The following ZNF584 variants were observed in gnomAD, a reference collection of about 807,000 sequenced individuals.
ZNF584 encodes zinc finger protein 584.
Under a neutral mutation model 14.7 loss-of-function variants are expected in ZNF584, and 12 were observed. The observed-to-expected ratio is 0.82, with a 90% CI of 0.52 to 1.32. The LOEUF (loss-of-function observed/expected upper bound fraction) is 1.32, where lower values mean the gene tolerates loss of function less well. Ranked by LOEUF, ZNF584 falls within the 40% of genes most tolerant of loss-of-function variation. ZNF584 has a pLI of 0.00. For synonymous variants in ZNF584, 204 were observed against 190.9 expected (o/e 1.07, Z -0.57); for missense variants, 478 against 518.8 (o/e 0.92, Z 0.76).
At chr19:58,414,075 C>T (rs942045269) in intron 2 of ZNF584, among the ~76,000 whole-genome samples, 1 of 152,040 alleles carries the variant, frequency 6.6e-6, no homozygotes, top group Non-Finnish European at 1.5e-5. Flanking sequence ...CCTGCCTCGG[C>T]CTCCCAAAGT....
rs1273023612 is a variant in ZNF584 at position 58,411,737 on chromosome 19, G to A, written c.169+1646G>A. On this transcript the variant is annotated intron_variant, in intron 2 of 3. Transcript: ENST00000306910. ...CGGCTCACTGCAACCTCCACCTCCC[G>A]GGTTCAAGTGATTTTCCTGCCTCAG... 5.3e-5 allele frequency among the ~76,000 whole-genome samples: 8 copies of A among 150,820 alleles called. No homozygotes were observed. In the East Asian group the frequency reaches 1.6e-3, roughly 30 times the overall value.
rs1172641025 is a variant in ZNF584 at position 58,410,750 on chromosome 19, T to C, written c.169+659T>C. ...ATGTATATATATATATGTGTGTATA[T>C]ATATATATATATGTATATATATATA... On this transcript the variant is annotated intron_variant, in intron 2 of 3. Coordinates refer to ENST00000306910, the MANE Select transcript of ZNF584 (RefSeq NM_173548.3). 6.5e-5 allele frequency among the ~76,000 whole-genome samples: 3 copies of C among 46,026 alleles called. 1 individual carries two copies. The highest frequency in any genetic ancestry group is 1.1e-4 in the Non-Finnish European group (3 of 27,404). The allele number at this position is 46,026 out of a possible 152,430, so 30.2% of individuals were successfully genotyped here. A position where few individuals can be genotyped will look rare whatever the true frequency, so the allele number is the denominator to read the frequency against.
intron 1 of ZNF584, among the ~76,000 whole-genome samples, chr19:58,403,643 C>T (rs868451876): frequency 2.0e-5 from 3 of 152,042 alleles, no homozygotes; most frequent in Non-Finnish European, 4.4e-5. Context: ...ATATAATGTA[C>T]ATTAATAATA....
chr19:58,412,199 CTTTTTTTTTT>C (rs35188048), intron 2 of ZNF584, among the ~76,000 whole-genome samples: 2,026 of 83,964 alleles, frequency 0.024, 117 homozygotes, highest in African/African-American at 0.11. Context: ...CCAGGGTGGT[CTTTTTTTTTT>C]TTTTTTTTTT....
upstream of ZNF584, chr19:58,405,205 G>C: frequency 6.7e-6 from 1 of 149,154 alleles, no homozygotes. Flanking sequence ...CGGGTCGGCT[G>C]GCCGCGCGGG....
intron 2 of ZNF584, among the ~76,000 whole-genome samples, chr19:58,413,318 G>C (rs558866908): frequency 8.8e-4 from 133 of 151,326 alleles, no homozygotes; most frequent in Non-Finnish European, 4.9e-4. Flanking sequence ...TTTTTTGTTT[G>C]TTGTGGTATT....
At chr19:58,402,535 A>G (rs964385672) in intron 1 of ZNF584, among the ~76,000 whole-genome samples, 1 of 152,198 alleles carries the variant, frequency 6.6e-6, no homozygotes, top group Non-Finnish European at 1.5e-5. Flanking sequence ...TGAGTGTACA[A>G]TTCAAGGCTG....
rs2052654893 is a variant in ZNF584 at position 58,417,200 on chromosome 19, A to C, written c.682A>C (p.Lys228Gln). 6.2e-7 allele frequency: 1 copy of C among 1,614,040 alleles called. No homozygotes were observed. The highest frequency in any genetic ancestry group is 1.1e-5 in the South Asian group (1 of 91,074). ...ECGKAFSYPS[K>Q]LRKHQKVHTG... ...TGGGAAGGCCTTCAGTTACCCGTCT[A>C]AGCTGAGGAAACACCAGAAGGTTCA... The change falls in exon 4 of 4, where the codon AAG (lysine) becomes CAG (glutamine). Residue 228 changes from lysine to glutamine, a missense_variant. Lys to Gln is a moderately conservative substitution (Grantham distance 53, BLOSUM62 1). Coordinates refer to ENST00000306910, the MANE Select transcript of ZNF584 (RefSeq NM_173548.3).
rs1293359141 is a variant in ZNF584 at position 58,410,739 on chromosome 19, A to ATG, written c.169+654_169+655dup. On this transcript the variant is annotated intron_variant, in intron 2 of 3. Transcript: ENST00000306910. ...TGTATATATATATGTATATATATAT[A>ATG]TGTGTGTATATATATATATATATGT... is the stretch of plus-strand genomic sequence containing the variant. Among the ~76,000 whole-genome samples the ATG allele has an allele frequency of 2.8e-4, 12 of 43,024 alleles. 3 individuals carry two copies. Among genetic ancestry groups the ATG allele is most frequent in the African/African-American group, 9.2e-4 (4 of 4,328 alleles). 28.2% of individuals were successfully genotyped at this position (43,024 alleles called of 152,430 possible). A position where few individuals can be genotyped will look rare whatever the true frequency, so the allele number is the denominator to read the frequency against.
chr19:58,404,534 G>T (rs2052451253), upstream of ZNF584: 9 of 173,060 alleles, frequency 5.2e-5, 1 homozygote, highest in South Asian at 8.3e-4. Context: ...ATGTTTCAGA[G>T]AGCACAGGGT....
chr19:58,402,235 G>A (rs1051663354), intron 1 of ZNF584, among the ~76,000 whole-genome samples: 8 of 151,024 alleles, frequency 5.3e-5, no homozygotes. Context: ...CCTGGGGCCC[G>A]GCTTGGCGTG....
At chr19:58,415,288 C>T (rs1247295917) in intron 2 of ZNF584, among the ~76,000 whole-genome samples, 1 of 152,172 alleles carries the variant, frequency 6.6e-6, no homozygotes, top group Non-Finnish European at 1.5e-5. Flanking sequence ...CTCCTAGGCT[C>T]AAGTGATCCT....
At chr19:58,404,087 C>A (rs1339553778), upstream of ZNF584, among the ~76,000 whole-genome samples, 1 of 152,116 alleles carries the variant, frequency 6.6e-6, no homozygotes, top group Non-Finnish European at 1.5e-5. Context: ...TCTGAGACTT[C>A]CTGGAATCAA....
chr19:58,410,945 C>A (rs1259033537), intron 2 of ZNF584, among the ~76,000 whole-genome samples: 5 of 150,318 alleles, frequency 3.3e-5, no homozygotes, highest in Non-Finnish European at 5.9e-5. Context: ...GCTCGCGCCA[C>A]CATGCCTGGC....
intron 1 of ZNF584, among the ~76,000 whole-genome samples, chr19:58,402,083 GT>G (rs1274878450): frequency 2.0e-5 from 3 of 151,624 alleles, no homozygotes; most frequent in Non-Finnish European, 4.4e-5. Context: ...GGGGTAAAGT[GT>G]TTTTTTAAAT....
rs530177476 is a variant in ZNF584, at chr19:58,417,927, C to T, written c.*143C>T. On this transcript the variant is annotated 3_prime_UTR_variant, in exon 4 of 4. Coordinates refer to ENST00000306910, the MANE Select transcript of ZNF584 (RefSeq NM_173548.3). ...TCCCGTGTGTGCCTGGTGTGTGGGA[C>T]GCTTTCGGGAGCCACATTGCACTCT... 8.0e-5 allele frequency: 87 copies of T among 1,092,130 alleles called. 1 individual carries two copies. Among genetic ancestry groups the T allele is most frequent in the African/African-American group, 2.7e-4 (17 of 63,190 alleles). The allele number at this position is 1,092,130 out of a possible 1,614,324, so 67.7% of individuals were successfully genotyped here.
intron 2 of ZNF584, among the ~76,000 whole-genome samples, chr19:58,414,332 C>CTTTA (rs568925831): frequency 5.0e-4 from 76 of 151,666 alleles, no homozygotes; most frequent in East Asian, 2.7e-3. Flanking sequence ...CTGAGGCTTG[C>CTTTA]TTTATTTATT....
At chr19:58,402,890 A>T (rs1267383130) in intron 1 of ZNF584, among the ~76,000 whole-genome samples, 1 of 151,936 alleles carries the variant, frequency 6.6e-6, no homozygotes, top group African/African-American at 2.4e-5. Flanking sequence ...AGAAAAATAG[A>T]TACATAGCTG....
chr19:58,410,546 T>C lies in ZNF584; in HGVS notation c.169+455T>C, dbSNP rs1309304017. The stretch of plus-strand genomic sequence containing the variant: ...ATATATATATATATATATATATATA[T>C]ATATATATATATGTGTATATATATA... On this transcript the variant is annotated intron_variant, in intron 2 of 3. Transcript: ENST00000306910. Among the ~76,000 whole-genome samples, 43 of 62,512 alleles carry C rather than the reference T, an allele frequency of 6.9e-4. 14 individuals are homozygous for C. Among genetic ancestry groups the C allele is most frequent in the African/African-American group, 5.2e-3 (41 of 7,878 alleles). 41.0% of individuals were successfully genotyped at this position (62,512 alleles called of 152,430 possible). A position where few individuals can be genotyped will look rare whatever the true frequency, so the allele number is the denominator to read the frequency against.
Sources: gnomAD v4.1 joint callset for allele counts (sites outside exome capture counted in the v4.1 genomes callset) on GRCh38, gnomAD v4.1.1 for gene constraint, MANE v1.5 for transcripts, NCBI Gene and HGNC (gene_info 2026-07-23, HGNC 2026-07-21) for gene names.